The following ZBTB7C variants were observed in gnomAD, a reference collection of about 807,000 sequenced individuals.
ZBTB7C encodes zinc finger and BTB domain-containing protein 7C.
Under a neutral mutation model 25.7 loss-of-function variants are expected in ZBTB7C, and 8 were observed. The ratio of observed to expected loss-of-function variants is 0.31; its 90% CI spans 0.18 to 0.56. The LOEUF is 0.56. ZBTB7C is among the 20% of genes least tolerant of loss of function. ZBTB7C has a pLI of 0.91. For synonymous variants in ZBTB7C, 394 were observed against 369.0 expected, an observed-to-expected ratio of 1.07 and a Z score of -0.78; for missense variants, 824 against 855.2, an observed-to-expected ratio of 0.96 and a Z score of 0.46.
Position 48,027,593 on chromosome 18 carries a change from A to AG in ZBTB7C, c.*1666dup, listed in dbSNP as rs2035567570. 1 of 152,228 alleles carries AG rather than the reference A, an allele frequency of 6.6e-6. No homozygotes were observed. 9.4% of individuals were successfully genotyped at this position (152,228 alleles called of 1,614,324 possible). On this transcript the variant is annotated 3_prime_UTR_variant, in exon 5 of 5. Coordinates refer to ENST00000590800, the MANE Select transcript of ZBTB7C (RefSeq NM_001318841.2). The stretch of plus-strand genomic sequence containing the variant: ...GTGGCATCCGGTGGTGTGAAGAATC[A>AG]GGGGGTCTCTTCTGGAGAGTTGTGA...
intron 3 of ZBTB7C, among the ~76,000 whole-genome samples, chr18:48,052,663 A>G (rs7243697): frequency 0.45 from 67,988 of 151,964 alleles, 15,596 homozygotes; most frequent in East Asian, 0.58. Flanking sequence ...CCAGGTGTGC[A>G]GTCAGCAGAC....
chr18:48,301,421 G>A (rs1222429484), intron 2 of ZBTB7C, among the ~76,000 whole-genome samples: 1 of 152,228 alleles, frequency 6.6e-6, no homozygotes, highest in South Asian at 2.1e-4. Context: ...AGATGTTGCA[G>A]TGAGCCAAGA....
chr18:48,086,582 A>G (rs956216051), intron 3 of ZBTB7C, among the ~76,000 whole-genome samples: 2 of 152,110 alleles, frequency 1.3e-5, no homozygotes, highest in East Asian at 1.9e-4. Flanking sequence ...ATCCACCACA[A>G]TGGAACCCAC....
intron 3 of ZBTB7C, among the ~76,000 whole-genome samples, chr18:48,130,704 C>T (rs1598935995): frequency 1.3e-5 from 2 of 152,096 alleles, no homozygotes; most frequent in African/African-American, 4.8e-5. Flanking sequence ...TTTGCTTGAG[C>T]CAGCTGTGTG....
At chr18:48,264,026 T>G (rs894081821) in intron 2 of ZBTB7C, among the ~76,000 whole-genome samples, 1 of 152,192 alleles carries the variant, frequency 6.6e-6, no homozygotes, top group African/African-American at 2.4e-5. Flanking sequence ...CCTATAAAGA[T>G]ATCTGTACTC....
chr18:48,342,251 C>A (rs1412074092), intron 1 of ZBTB7C, among the ~76,000 whole-genome samples: 1 of 152,214 alleles, frequency 6.6e-6, no homozygotes, highest in Admixed American at 6.5e-5. Flanking sequence ...CAGAAGCTGC[C>A]CACTCAAAGG....
At chr18:48,384,191 G>C (rs916483439) in intron 1 of ZBTB7C, among the ~76,000 whole-genome samples, 5 of 152,208 alleles carry the variant, frequency 3.3e-5, no homozygotes, top group Non-Finnish European at 5.9e-5. Flanking sequence ...GGTCAGCTTT[G>C]GGTTTAGTCC....
At chr18:48,341,518 C>T (rs2144974808) in intron 1 of ZBTB7C, among the ~76,000 whole-genome samples, 1 of 152,354 alleles carries the variant, frequency 6.6e-6, no homozygotes, top group Non-Finnish European at 1.5e-5. Context: ...CACCCATCAG[C>T]GAGATAGGTC....
chr18:48,143,315 G>C (rs1014146197), intron 3 of ZBTB7C, among the ~76,000 whole-genome samples: 1 of 151,912 alleles, frequency 6.6e-6, no homozygotes, highest in Non-Finnish European at 1.5e-5. Flanking sequence ...CAGGGTCACC[G>C]GCACTTACCT....
chr18:48,148,015 G>C (rs2040549903), intron 3 of ZBTB7C: 1 of 151,938 alleles, frequency 6.6e-6, no homozygotes, highest in Non-Finnish European at 1.5e-5. Context: ...TGGGAGTTGG[G>C]GGACGGAGTT....
At chr18:48,303,346 T>C (rs2045589450) in intron 2 of ZBTB7C, among the ~76,000 whole-genome samples, 1 of 152,176 alleles carries the variant, frequency 6.6e-6, no homozygotes, top group South Asian at 2.1e-4. Context: ...ACTCAGGGGC[T>C]CCTTTTTATC....
chr18:48,225,757 T>C (rs1443190817), intron 2 of ZBTB7C, among the ~76,000 whole-genome samples: 1 of 152,066 alleles, frequency 6.6e-6, no homozygotes, highest in Non-Finnish European at 1.5e-5. Flanking sequence ...CCTAATTTTT[T>C]TTTTGAGACA....
At chr18:48,151,489 C>T (rs919521459) in intron 3 of ZBTB7C, among the ~76,000 whole-genome samples, 8 of 152,154 alleles carry the variant, frequency 5.3e-5, no homozygotes, top group African/African-American at 1.7e-4. Context: ...AAGAGTCCGT[C>T]TCACCACAGC....
chr18:48,189,906 A>C (rs2042152452), intron 2 of ZBTB7C, among the ~76,000 whole-genome samples: 1 of 152,184 alleles, frequency 6.6e-6, no homozygotes, highest in Non-Finnish European at 1.5e-5. Flanking sequence ...GCTGTCTGTC[A>C]AGGGCTGGCC....
At chr18:48,314,683 A>T (rs1228629814) in intron 2 of ZBTB7C, among the ~76,000 whole-genome samples, 1 of 152,098 alleles carries the variant, frequency 6.6e-6, no homozygotes, top group Non-Finnish European at 1.5e-5. Flanking sequence ...CCCTTCAACA[A>T]GGGCTCTCCA....
At chr18:48,123,916 C>T (rs1035465300) in intron 3 of ZBTB7C, among the ~76,000 whole-genome samples, 2 of 151,950 alleles carry the variant, frequency 1.3e-5, no homozygotes, top group African/African-American at 4.8e-5. Context: ...ATTTTATGTT[C>T]GATGTTCAGC....
intron 3 of ZBTB7C, among the ~76,000 whole-genome samples, chr18:48,060,474 C>A (rs1448752480): frequency 6.6e-6 from 1 of 152,110 alleles, no homozygotes; most frequent in African/African-American, 2.4e-5. Context: ...TGGCACACCC[C>A]CTCTGCTCCT....
In ZBTB7C at chr18:48,373,976, A is replaced by AGTG. The variant is rs1568409031; in HGVS notation, c.-304+35249_-304+35250insCAC. ...ACTCTGTCTCAAAAAAAAAAAAAGC[A>AGTG]TGTGGCACCTCCTCCCTCCCACTCT... On this transcript the variant is annotated intron_variant, in intron 1 of 4. Transcript: ENST00000590800. 1.8e-4 allele frequency among the ~76,000 whole-genome samples: 26 copies of AGTG among 148,400 alleles called. 1 individual carries two copies. The highest frequency in any genetic ancestry group is 5.7e-4 in the African/African-American group (23 of 40,340).
At chr18:48,173,085 C>G (rs1311092312) in intron 3 of ZBTB7C, among the ~76,000 whole-genome samples, 1 of 152,202 alleles carries the variant, frequency 6.6e-6, no homozygotes, top group Non-Finnish European at 1.5e-5. Context: ...CTTCCTCTTC[C>G]CAAGATGTTG....
Sources: gnomAD v4.1 joint callset for allele counts (sites outside exome capture counted in the v4.1 genomes callset) on GRCh38, gnomAD v4.1.1 for gene constraint, MANE v1.5 for transcripts, NCBI Gene and HGNC (gene_info 2026-07-23, HGNC 2026-07-21) for gene names.